Variants in CACNA1D observed in about 807,000 individuals in gnomAD.
CACNA1D encodes the protein calcium voltage-gated channel subunit alpha1 D.
CACNA1D carries 55 observed loss-of-function variants against 257.1 expected under a neutral mutation model. The observed-to-expected ratio is 0.21, with a 90% CI of 0.17 to 0.27. The LOEUF is 0.27. Ranked by LOEUF, CACNA1D falls within the 10% of genes least tolerant of loss-of-function variation. CACNA1D has a pLI of 1.00. For missense variants in CACNA1D, 1,876 were observed against 2,784.0 expected (o/e 0.67, Z 7.34); for synonymous variants, 980 against 1,014.9 (o/e 0.97, Z 0.65).
intron 16 of CACNA1D, among the ~76,000 whole-genome samples, chr3:53,730,871 A>C (rs758049504): frequency 1.1e-4 from 16 of 152,246 alleles, no homozygotes; most frequent in Non-Finnish European, 2.2e-4. Flanking sequence ...TGAGAATTTT[A>C]ATAAGATGGT....
At chr3:53,602,851 C>G (rs1043899465) in intron 3 of CACNA1D, among the ~76,000 whole-genome samples, 23 of 152,164 alleles carry the variant, frequency 1.5e-4, no homozygotes, top group African/African-American at 5.5e-4. Context: ...GGTTATTAAT[C>G]CCTTGTCAGA....
At chr3:53,722,585 A>G in intron 12 of CACNA1D, 111 bp downstream of exon 12, 2 of 1,123,208 alleles carry the variant, frequency 1.8e-6, no homozygotes, top group African/African-American at 1.5e-5. Context: ...CAACATTTCT[A>G]GTGAGGACAA....
chr3:53,802,149 C>G lies in CACNA1D; in HGVS notation c.5411C>G (p.Thr1804Ser). 6.2e-7 allele frequency: 1 copy of G among 1,607,826 alleles called. No homozygotes were observed. The highest frequency in any genetic ancestry group is 8.5e-7 in the Non-Finnish European group (1 of 1,174,272). ...EPQRRSSVKRTRYYETYIRSD... is the reference protein window; with the variant it reads ...EPQRRSSVKRSRYYETYIRSD... ...CATGTTATGCCTTTCCTGGATAGAA[C>G]CCGCTATTATGAAACTTACATTAGG... Residue 1804 changes from threonine to serine, a missense_variant and splice_region_variant, in exon 43 of 48, where the codon ACC becomes AGC. Physicochemically the swap from Thr to Ser is moderately conservative, Grantham distance 58. Transcript: ENST00000350061.
chr3:53,771,878 G>A (rs1256621718), intron 32 of CACNA1D, among the ~76,000 whole-genome samples: 1 of 152,214 alleles, frequency 6.6e-6, no homozygotes, highest in Non-Finnish European at 1.5e-5. Context: ...GTGGGACCCT[G>A]CTGAGCAGTC....
At position 53,786,968 on chromosome 3, in the gene CACNA1D, ATT is replaced by A. The variant is rs776057679; in HGVS notation, c.4923+19_4923+20del. The stretch of plus-strand genomic sequence containing the variant: ...TGCCCTACAGGTGAATTGTTGTCTC[ATT>A]TTGTTTTCTCTTTTGACTAACGATT... On this transcript the variant is annotated intron_variant, in intron 40 of 47. Transcript: ENST00000350061. 6 of 1,613,752 alleles carry A rather than the reference ATT, an allele frequency of 3.7e-6. No individual in the cohort carries two copies. In the East Asian group the frequency reaches 1.1e-4, roughly 30 times the overall value.
intron 47 of CACNA1D, among the ~76,000 whole-genome samples, chr3:53,810,887 C>T (rs2095597230): frequency 6.6e-6 from 1 of 151,904 alleles, no homozygotes; most frequent in African/African-American, 2.4e-5. Flanking sequence ...TGTCTTTCCC[C>T]AGTGGGTTTC....
intron 3 of CACNA1D, among the ~76,000 whole-genome samples, chr3:53,517,492 T>C (rs575177478): frequency 6.6e-6 from 1 of 151,480 alleles, no homozygotes; most frequent in South Asian, 2.1e-4. Flanking sequence ...TCTTTCTTTT[T>C]TTTTTTTTTT....
At chr3:53,701,546 C>T (rs562970682) in intron 8 of CACNA1D, among the ~76,000 whole-genome samples, 7 of 152,300 alleles carry the variant, frequency 4.6e-5, no homozygotes, top group Admixed American at 1.3e-4. Flanking sequence ...GGCTTTGACT[C>T]GGAACAAAGG....
At chr3:53,797,285 A>G (rs1174022522) in intron 40 of CACNA1D, among the ~76,000 whole-genome samples, 7 of 152,146 alleles carry the variant, frequency 4.6e-5, no homozygotes, top group Admixed American at 4.6e-4. Context: ...CTTCATGTCA[A>G]TTCTAGTTTG....
chr3:53,510,851 A>G (rs3821842), intron 3 of CACNA1D, among the ~76,000 whole-genome samples: 1 of 151,972 alleles, frequency 6.6e-6, no homozygotes, highest in African/African-American at 2.4e-5. Flanking sequence ...CCTAGATTTT[A>G]GGAATCTATT....
intron 9 of CACNA1D, among the ~76,000 whole-genome samples, chr3:53,708,775 C>G (rs1283829476): frequency 2.6e-5 from 4 of 152,138 alleles, no homozygotes; most frequent in Non-Finnish European, 5.9e-5. Context: ...AAAAAATTCT[C>G]TCTTCCTTCT....
At chr3:53,644,924 A>G (rs2094003138) in intron 3 of CACNA1D, among the ~76,000 whole-genome samples, 1 of 152,184 alleles carries the variant, frequency 6.6e-6, no homozygotes, top group Non-Finnish European at 1.5e-5. Flanking sequence ...TGGCAGTACT[A>G]ATTTACACTC....
At chr3:53,708,861 C>T (rs1035746270) in intron 9 of CACNA1D, among the ~76,000 whole-genome samples, 1 of 152,156 alleles carries the variant, frequency 6.6e-6, no homozygotes, top group Non-Finnish European at 1.5e-5. Context: ...TGACACAGAC[C>T]GCATGCATAT....
chr3:53,702,177 A>G (rs1420984929), intron 8 of CACNA1D, among the ~76,000 whole-genome samples: 1 of 152,194 alleles, frequency 6.6e-6, no homozygotes, highest in Non-Finnish European at 1.5e-5. Flanking sequence ...GTAGCACACA[A>G]TATTAATGCA....
rs140202020 is a variant in CACNA1D, at chr3:53,579,148, G to A, written c.484-71631G>A. 2.2e-4 allele frequency among the ~76,000 whole-genome samples: 33 copies of A among 152,290 alleles called. 1 individual carries two copies. The East Asian group carries it at 6.0e-3, about 28-fold the overall frequency. ...CAGGGATAGCGTTGGTGTTCCAAAC[G>A]GCAATTGAGAAGACTGTCTTAATAT... is the stretch of plus-strand genomic sequence containing the variant. On this transcript the variant is annotated intron_variant, in intron 3 of 47. Transcript: ENST00000350061.
intron 4 of CACNA1D, among the ~76,000 whole-genome samples, chr3:53,658,842 G>C (rs1304316157): frequency 6.6e-6 from 1 of 152,204 alleles, no homozygotes; most frequent in African/African-American, 2.4e-5. Flanking sequence ...GACCGGGCTT[G>C]TTTTCCCTCC....
rs1288560402 is a variant in CACNA1D at position 53,732,029 on chromosome 3, A to G, written c.2420A>G (p.Asp807Gly). ...ANSDNKVTIDDYREEDEDKDP... is the reference protein window; with the variant it reads ...ANSDNKVTIDGYREEDEDKDP... ...TTGTCATCCTAGGTTACAATTGATGACTATAGAGAAGAGGATGAAGACAAG... is the reference window on the plus strand; with the variant it reads ...TTGTCATCCTAGGTTACAATTGATGGCTATAGAGAAGAGGATGAAGACAAG... The change falls in exon 18 of 48, where the codon GAC becomes GGC. Residue 807 changes from aspartate (D) to glycine (G), a missense_variant. This residue lies in a region of CACNA1D where 78 missense variants were observed against 69.2 expected (regional missense o/e 1.13). Transcript: ENST00000350061. The G allele has an allele frequency of 6.2e-7, 1 of 1,608,832 alleles. No homozygotes were observed. Among genetic ancestry groups the G allele is most frequent in the African/African-American group, 1.3e-5 (1 of 74,956 alleles).
At chr3:53,810,758 C>CAAAAAAAAAAAAAAAAAAAAAAA (rs71074934) in intron 47 of CACNA1D, among the ~76,000 whole-genome samples, 42 of 68,288 alleles carry the variant, frequency 6.2e-4, no homozygotes, top group Non-Finnish European at 6.3e-4. Context: ...ACTCTTGTCT[C>CAAAAAAAAAAAAAAAAAAAAAAA]AAAAAAAAAA....
In CACNA1D at chr3:53,530,919, G is replaced by A. The variant is rs937745214; in HGVS notation, c.483+29199G>A. 5.3e-5 allele frequency among the ~76,000 whole-genome samples: 8 copies of A among 151,524 alleles called. 1 individual carries two copies. The highest frequency in any genetic ancestry group is 2.0e-4 in the Admixed American group (3 of 15,226). On this transcript the variant is annotated intron_variant, in intron 3 of 47. Coordinates refer to ENST00000350061, the MANE Select transcript of CACNA1D (RefSeq NM_001128840.3). ...GCTGGAGTGCAGTGGCACAATCAGTGCTCACTGCAGCCTTGACTCCTGGGC... is the reference window on the plus strand; with the variant it reads ...GCTGGAGTGCAGTGGCACAATCAGTACTCACTGCAGCCTTGACTCCTGGGC...
Sources: allele counts gnomAD v4.1 joint callset (sites outside exome capture counted in the v4.1 genomes callset), GRCh38; gene constraint gnomAD v4.1.1; regional missense constraint gnomAD v4.1.1; transcripts MANE v1.5; gene names NCBI Gene and HGNC (gene_info 2026-07-23, HGNC 2026-07-21).